LRRC4C: variants seen among roughly 807,000 people sequenced by gnomAD.
The protein encoded by LRRC4C is leucine-rich repeat-containing protein 4C.
A neutral mutation model predicts 33.6 loss-of-function variants in LRRC4C; 5 were observed. The ratio of observed to expected loss-of-function variants is 0.15; its 90% CI spans 0.08 to 0.31. LRRC4C has a LOEUF of 0.31. Ranked by LOEUF, LRRC4C falls within the 10% of genes least tolerant of loss-of-function variation. The probability of loss-of-function intolerance (pLI) is 1.00; values close to 1 mark genes in which losing one functional copy is unlikely to be tolerated. For synonymous variants in LRRC4C, 329 were observed against 302.0 expected, an observed-to-expected ratio of 1.09 and a Z score of -0.93; for missense variants, 560 against 796.7, an observed-to-expected ratio of 0.70 and a Z score of 3.58.
At chr11:41,264,095 A>ATT (rs371070496) in intron 1 of LRRC4C, among the ~76,000 whole-genome samples, 2,005 of 142,692 alleles carry the variant, frequency 0.014, 42 homozygotes, top group African/African-American at 0.032. Flanking sequence ...CTTTTTATTA[A>ATT]TTTTTTTTTT....
At chr11:41,059,210 G>GTTGTTCT (rs71060994) in intron 1 of LRRC4C, among the ~76,000 whole-genome samples, 3 of 125,220 alleles carry the variant, frequency 2.4e-5, no homozygotes, top group African/African-American at 8.6e-5. Flanking sequence ...TAAAATAAAA[G>GTTGTTCT]TTTTTTTTTT....
chr11:40,625,423 A>C (rs948059541), intron 3 of LRRC4C, among the ~76,000 whole-genome samples: 1 of 152,166 alleles, frequency 6.6e-6, no homozygotes, highest in Non-Finnish European at 1.5e-5. Flanking sequence ...GGAGGCAGGC[A>C]AGAGAGTGTG....
chr11:40,620,455 C>T (rs1962343143), intron 3 of LRRC4C, among the ~76,000 whole-genome samples: 2 of 151,652 alleles, frequency 1.3e-5, no homozygotes, highest in African/African-American at 2.4e-5. Context: ...AGAAAGCATT[C>T]GAAGACCCCA....
intron 1 of LRRC4C, among the ~76,000 whole-genome samples, chr11:41,372,592 G>A (rs1443585426): frequency 2.0e-5 from 3 of 152,078 alleles, no homozygotes; most frequent in Admixed American, 2.0e-4. Flanking sequence ...TAACATTCAA[G>A]TCAGAAAATG....
At chr11:40,397,783 C>T (rs1949601357) in intron 3 of LRRC4C, among the ~76,000 whole-genome samples, 2 of 151,888 alleles carry the variant, frequency 1.3e-5, no homozygotes, top group African/African-American at 2.4e-5. Flanking sequence ...CAATGTCAGA[C>T]AAGTCAGACA....
chr11:40,800,367 GA>G, intron 2 of LRRC4C, among the ~76,000 whole-genome samples: 1 of 152,290 alleles, frequency 6.6e-6, no homozygotes, highest in East Asian at 1.9e-4. Flanking sequence ...TTTATTGTTT[GA>G]GGGGGAATTC....
At chr11:40,752,268 G>C (rs1161057232) in intron 2 of LRRC4C, among the ~76,000 whole-genome samples, 1 of 151,956 alleles carries the variant, frequency 6.6e-6, no homozygotes, top group Admixed American at 6.6e-5. Flanking sequence ...CTGTTAAAAA[G>C]ATTCTACACA....
Position 40,785,573 on chromosome 11 carries a change from T to G in LRRC4C, c.-406-137295A>C, listed in dbSNP as rs111905379. 1.8e-3 allele frequency among the ~76,000 whole-genome samples: 275 copies of G among 152,288 alleles called. 2 individuals carry two copies. The highest frequency in any genetic ancestry group is 6.5e-3 in the African/African-American group (272 of 41,560). ...TCACTGTACAATTTAGAGAATGAAT[T>G]TATACATAGGAATCAGACACTATGA... On this transcript the variant is annotated intron_variant, in intron 2 of 6. Coordinates refer to ENST00000528697, the MANE Select transcript of LRRC4C (RefSeq NM_001258419.2).
chr11:41,186,638 A>G (rs1300969968), intron 1 of LRRC4C, among the ~76,000 whole-genome samples: 1 of 152,130 alleles, frequency 6.6e-6, no homozygotes, highest in Non-Finnish European at 1.5e-5. Flanking sequence ...AGGTGGGGAG[A>G]TGAGAGTTAA....
At chr11:40,465,750 C>A (rs1264895539) in intron 3 of LRRC4C, among the ~76,000 whole-genome samples, 2 of 151,862 alleles carry the variant, frequency 1.3e-5, no homozygotes, top group Non-Finnish European at 2.9e-5. Context: ...GAGTAAGACA[C>A]CATCAGAATG....
At chr11:40,219,139 C>G (rs372847664) in intron 5 of LRRC4C, among the ~76,000 whole-genome samples, 128 of 152,242 alleles carry the variant, frequency 8.4e-4, no homozygotes, top group African/African-American at 2.8e-3. Flanking sequence ...GCCACTAGCC[C>G]CATGTGGCTA....
chr11:40,815,763 T>C (rs2135422369), intron 2 of LRRC4C, among the ~76,000 whole-genome samples: 1 of 152,304 alleles, frequency 6.6e-6, no homozygotes, highest in South Asian at 2.1e-4. Context: ...TGCACCTTCC[T>C]CTTTAACTCT....
chr11:40,506,408 T>C (rs1955035342), intron 3 of LRRC4C, among the ~76,000 whole-genome samples: 1 of 152,180 alleles, frequency 6.6e-6, no homozygotes, highest in Non-Finnish European at 1.5e-5. Flanking sequence ...TCACACAGTT[T>C]CAGTAAACGG....
At chr11:40,964,572 C>T (rs1399722302) in intron 1 of LRRC4C, among the ~76,000 whole-genome samples, 1 of 143,138 alleles carries the variant, frequency 7.0e-6, no homozygotes, top group Non-Finnish European at 1.5e-5. Flanking sequence ...TTCCTGGGTC[C>T]ATGTGTTCTC....
intron 2 of LRRC4C, among the ~76,000 whole-genome samples, chr11:40,867,217 G>A (rs1183359625): frequency 6.6e-6 from 1 of 152,082 alleles, no homozygotes; most frequent in Non-Finnish European, 1.5e-5. Flanking sequence ...CCTAAGTATT[G>A]AATAAATTAG....
In LRRC4C at chr11:41,262,965, G is replaced by T. The variant is rs141392408; in HGVS notation, c.-496+196466C>A. On this transcript the variant is annotated intron_variant, in intron 1 of 6. Transcript: ENST00000528697. ...TCATATCACATTATCTTAACACATCGCATGGCCTCTTAGTGTCATGTTGCT... is the reference window on the plus strand; with the variant it reads ...TCATATCACATTATCTTAACACATCTCATGGCCTCTTAGTGTCATGTTGCT... Among the ~76,000 whole-genome samples, 4 of 152,090 alleles carry T rather than the reference G, an allele frequency of 2.6e-5. No individual in the cohort carries two copies. In the East Asian group the frequency reaches 5.8e-4, roughly 22 times the overall value.
At chr11:40,478,636 G>A (rs945253300) in intron 3 of LRRC4C, among the ~76,000 whole-genome samples, 11 of 152,210 alleles carry the variant, frequency 7.2e-5, no homozygotes, top group Middle Eastern at 3.4e-3. Context: ...TTGGTTTGCT[G>A]TACCCATTAA....
chr11:40,454,606 T>C (rs1952047268), intron 3 of LRRC4C, among the ~76,000 whole-genome samples: 1 of 152,140 alleles, frequency 6.6e-6, no homozygotes, highest in African/African-American at 2.4e-5. Context: ...ACTTTGACAG[T>C]GTATGAATTT....
At chr11:41,114,385 G>C (rs1942008126) in intron 1 of LRRC4C, among the ~76,000 whole-genome samples, 1 of 152,018 alleles carries the variant, frequency 6.6e-6, no homozygotes, top group Non-Finnish European at 1.5e-5. Flanking sequence ...GTATATGCCA[G>C]CCTATTAGTA....
Sources: allele counts gnomAD v4.1 joint callset (sites outside exome capture counted in the v4.1 genomes callset), GRCh38; gene constraint gnomAD v4.1.1; transcripts MANE v1.5; gene names NCBI Gene and HGNC (gene_info 2026-07-23, HGNC 2026-07-21).